Variants in SMOC2 observed in about 807,000 individuals in gnomAD.
The protein encoded by SMOC2 is SPARC-related modular calcium-binding protein 2.
SMOC2 carries 39 observed loss-of-function variants against 61.4 expected under a neutral mutation model. The ratio of observed to expected loss-of-function variants is 0.64; its 90% CI spans 0.49 to 0.83. The LOEUF (loss-of-function observed/expected upper bound fraction) is 0.83, where lower values mean the gene tolerates loss of function less well. Ranked by LOEUF, SMOC2 falls within the 40% of genes least tolerant of loss-of-function variation. The pLI, the probability that SMOC2 is intolerant of heterozygous loss-of-function variation, is 0.00. For synonymous variants in SMOC2, 247 were observed against 239.9 expected, an observed-to-expected ratio of 1.03 and a Z score of -0.27; for missense variants, 556 against 592.9, an observed-to-expected ratio of 0.94 and a Z score of 0.65.
chr6:168,486,958 G>A (rs12174082), intron 1 of SMOC2, among the ~76,000 whole-genome samples: 5,603 of 152,122 alleles, frequency 0.037, 475 homozygotes, highest in East Asian at 0.29. Context: ...GACATACTCC[G>A]TCCCCTCACT....
chr6:168,514,924 T>C (rs1388423660), intron 2 of SMOC2, among the ~76,000 whole-genome samples: 1 of 152,222 alleles, frequency 6.6e-6, no homozygotes, highest in East Asian at 1.9e-4. Context: ...CCTGTGACCC[T>C]CTCTGGCTCG....
chr6:168,473,815 G>T (rs1014745321), intron 1 of SMOC2, among the ~76,000 whole-genome samples: 1 of 152,132 alleles, frequency 6.6e-6, no homozygotes, highest in Non-Finnish European at 1.5e-5. Flanking sequence ...CTAGTGTCTT[G>T]TGTGTCTCAG....
chr6:168,595,896 T>C (rs1350489545), intron 7 of SMOC2, among the ~76,000 whole-genome samples: 3 of 152,270 alleles, frequency 2.0e-5, no homozygotes, highest in Non-Finnish European at 4.4e-5. Flanking sequence ...TTTCTATAGA[T>C]GCAGTATGTT....
At chr6:168,541,667 C>A (rs1042899149) in intron 4 of SMOC2, among the ~76,000 whole-genome samples, 5 of 152,314 alleles carry the variant, frequency 3.3e-5, no homozygotes, top group South Asian at 4.1e-4. Flanking sequence ...CTATCAGGAT[C>A]TCCTCCAATT....
chr6:168,652,701 T>C (rs1202353872), intron 10 of SMOC2, among the ~76,000 whole-genome samples: 1 of 152,198 alleles, frequency 6.6e-6, no homozygotes, highest in Non-Finnish European at 1.5e-5. Flanking sequence ...GCTTTTGTCC[T>C]TCAAGTGCAT....
intron 1 of SMOC2, among the ~76,000 whole-genome samples, chr6:168,463,313 A>T (rs923965029): frequency 2.6e-5 from 4 of 152,236 alleles, no homozygotes; most frequent in African/African-American, 9.6e-5. Context: ...AGGCGTTAGA[A>T]GATGATGCCT....
intron 9 of SMOC2, among the ~76,000 whole-genome samples, chr6:168,619,876 C>T (rs1200118728): frequency 2.0e-5 from 3 of 152,230 alleles, no homozygotes; most frequent in Non-Finnish European, 4.4e-5. Context: ...AAGCCCACAG[C>T]TTCAGTTTAC....
chr6:168,526,280 G>A, intron 2 of SMOC2, 66 bp from the exon 3 acceptor site: 1 of 1,431,952 alleles, frequency 7.0e-7, no homozygotes, highest in South Asian at 1.2e-5. Context: ...ATCTTTCAAT[G>A]TTCCTATATC....
At position 168,527,839 on chromosome 6, in the gene SMOC2, C is replaced by T. The variant is rs2609286; in HGVS notation, c.463+112C>T. 583,040 of 778,262 alleles carry T rather than the reference C, an allele frequency of 0.75. 223,216 individuals are homozygous for T. Among genetic ancestry groups the T allele is most frequent in the Non-Finnish European group, 0.8 (371,423 of 463,822 alleles). The allele number at this position is 778,262 out of a possible 1,614,324, so 48.2% of individuals were successfully genotyped here. A position where few individuals can be genotyped will look rare whatever the true frequency, so the allele number is the denominator to read the frequency against. On this transcript the variant is annotated intron_variant, in intron 4 of 12. Transcript: ENST00000356284. ...AATTCAAAGGGAAATCCAGTTTGGC[C>T]GGCATTGTGAGCCACAGTGGGAATA...
chr6:168,658,791 G>C (rs1036162943), intron 11 of SMOC2, among the ~76,000 whole-genome samples: 2 of 152,096 alleles, frequency 1.3e-5, no homozygotes, highest in African/African-American at 4.8e-5. Flanking sequence ...TGTTCTCCTG[G>C]AGGCCCTGCT....
At chr6:168,600,776 A>G (rs1785532671) in intron 8 of SMOC2, among the ~76,000 whole-genome samples, 3 of 152,244 alleles carry the variant, frequency 2.0e-5, no homozygotes, top group African/African-American at 7.2e-5. Context: ...CGCTTTTAGA[A>G]AAAGTGAGGC....
chr6:168,486,423 G>A (rs1347443447), intron 1 of SMOC2, among the ~76,000 whole-genome samples: 1 of 151,992 alleles, frequency 6.6e-6, no homozygotes, highest in Admixed American at 6.6e-5. Context: ...TTGTGCAATT[G>A]AACTCAAGAG....
chr6:168,554,438 AC>A (rs1784198574), intron 7 of SMOC2, among the ~76,000 whole-genome samples: 2 of 152,214 alleles, frequency 1.3e-5, no homozygotes, highest in South Asian at 4.1e-4. Context: ...TTCTGCAGGA[AC>A]TTTTTTACAC....
chr6:168,456,788 A>G (rs1188967156), intron 1 of SMOC2, among the ~76,000 whole-genome samples: 1 of 152,158 alleles, frequency 6.6e-6, no homozygotes, highest in African/African-American at 2.4e-5. Context: ...CTCTGGATGC[A>G]TCGTTTTTGG....
At chr6:168,464,740 C>T (rs1323830468) in intron 1 of SMOC2, among the ~76,000 whole-genome samples, 1 of 152,138 alleles carries the variant, frequency 6.6e-6, no homozygotes, top group African/African-American at 2.4e-5. Context: ...TGAAGGTTTC[C>T]AGATTTCTCT....
intron 7 of SMOC2, among the ~76,000 whole-genome samples, chr6:168,573,970 G>T (rs1392853289): frequency 6.6e-6 from 1 of 152,192 alleles, no homozygotes; most frequent in East Asian, 1.9e-4. Flanking sequence ...TAAGGGGCAC[G>T]TGCCCTTCTC....
chr6:168,460,775 C>T (rs180703713), intron 1 of SMOC2, among the ~76,000 whole-genome samples: 2 of 152,310 alleles, frequency 1.3e-5, no homozygotes, highest in Admixed American at 1.3e-4. Flanking sequence ...ATGAAGAACT[C>T]ATTTTGGTGG....
intron 8 of SMOC2, among the ~76,000 whole-genome samples, chr6:168,605,120 T>A (rs1785653917): frequency 6.6e-6 from 1 of 152,166 alleles, no homozygotes; most frequent in Non-Finnish European, 1.5e-5. Flanking sequence ...TGAGTCAGGC[T>A]GATGGCCAGA....
chr6:168,519,443 G>C (rs1441969430), intron 2 of SMOC2, among the ~76,000 whole-genome samples: 1 of 152,138 alleles, frequency 6.6e-6, no homozygotes, highest in Non-Finnish European at 1.5e-5. Context: ...CCCAGAGTAT[G>C]TTTACCTTAA....
Sources: allele counts gnomAD v4.1 joint callset (sites outside exome capture counted in the v4.1 genomes callset), GRCh38; gene constraint gnomAD v4.1.1; transcripts MANE v1.5; gene names NCBI Gene and HGNC (gene_info 2026-07-23, HGNC 2026-07-21).